RGS7: variants seen among roughly 807,000 people sequenced by gnomAD.
The protein encoded by RGS7 is regulator of G-protein signaling 7.
Under a neutral mutation model 81.1 loss-of-function variants are expected in RGS7, and 27 were observed. That is an observed-to-expected ratio of 0.33 (90% CI 0.25 to 0.46). RGS7 has a LOEUF of 0.46. Among genes scored for constraint, RGS7 ranks in the 20% least tolerant of loss-of-function variants. The pLI is 1.00. For missense variants in RGS7, 396 were observed against 607.4 expected, an observed-to-expected ratio of 0.65 and a Z score of 3.66; for synonymous variants, 208 against 207.7, an observed-to-expected ratio of 1.00 and a Z score of -0.01.
chr1:240,969,018 C>T (rs1682775409), intron 4 of RGS7, among the ~76,000 whole-genome samples: 2 of 152,176 alleles, frequency 1.3e-5, no homozygotes, highest in Non-Finnish European at 2.9e-5. Flanking sequence ...TCTTACACAA[C>T]TATCTATGGC....
intron 3 of RGS7, among the ~76,000 whole-genome samples, chr1:241,071,888 A>T (rs1413071813): frequency 6.7e-6 from 1 of 149,994 alleles, no homozygotes; most frequent in Non-Finnish European, 1.5e-5. Flanking sequence ...AAAAAAAAAA[A>T]AAAAAAACAA....
At chr1:241,227,790 G>T (rs562715809) in intron 2 of RGS7, among the ~76,000 whole-genome samples, 1 of 152,056 alleles carries the variant, frequency 6.6e-6, no homozygotes, top group East Asian at 1.9e-4. Flanking sequence ...CAGAAGTGAA[G>T]GTACCCTGAG....
At chr1:241,255,114 T>A (rs1227530998) in intron 2 of RGS7, among the ~76,000 whole-genome samples, 1 of 152,242 alleles carries the variant, frequency 6.6e-6, no homozygotes. Flanking sequence ...AACACCATTC[T>A]CTGATCCTGA....
chr1:240,849,757 T>C (rs1167957205), intron 9 of RGS7, among the ~76,000 whole-genome samples: 1 of 152,192 alleles, frequency 6.6e-6, no homozygotes, highest in African/African-American at 2.4e-5. Context: ...GTAAGCTACC[T>C]GAGGCCTCAC....
At chr1:240,930,322 C>T (rs1261630719) in intron 6 of RGS7, among the ~76,000 whole-genome samples, 3 of 147,696 alleles carry the variant, frequency 2.0e-5, no homozygotes, top group East Asian at 2.0e-4. Context: ...GTGAGAAAAG[C>T]GGACCCTTGG....
intron 2 of RGS7, among the ~76,000 whole-genome samples, chr1:241,344,123 G>A (rs2082738423): frequency 6.6e-6 from 1 of 152,198 alleles, no homozygotes; most frequent in African/African-American, 2.4e-5. Context: ...AGGAAGTGGG[G>A]AAGTAGAAAT....
Position 241,332,761 on chromosome 1 carries a change from C to T in RGS7, c.78+22938G>A, listed in dbSNP as rs1049801250. On this transcript the variant is annotated intron_variant, in intron 2 of 18. Transcript: ENST00000440928. The stretch of plus-strand genomic sequence containing the variant: ...TTACTGGCAGCTTCACCTTCTTTGG[C>T]GAGTTTAGTATTGTCAATACAGTAA... Among the ~76,000 whole-genome samples the T allele has an allele frequency of 3.9e-5, 6 of 152,104 alleles. No individual in the cohort carries two copies. In the South Asian group the frequency reaches 1.0e-3, roughly 26 times the overall value.
chr1:240,868,577 G>T lies in RGS7; in HGVS notation c.609+10C>A, dbSNP rs752801177. 6.2e-7 allele frequency: 1 copy of T among 1,613,368 alleles called. No individual in the cohort carries two copies. Among genetic ancestry groups the T allele is most frequent in the Admixed American group, 1.7e-5 (1 of 60,014 alleles). ...GATGGATTCAAGACGAGAGTGCGAC[G>T]CTTGCTTACCACGGGCCTGTGCACG... On this transcript the variant is annotated intron_variant, in intron 9 of 18. Transcript: ENST00000440928. This position sits in a 1 kb window ranked among gnomAD's most constrained non-coding sequence, Gnocchi z 5.1.
At chr1:240,791,540 A>G (rs1686008435) in intron 18 of RGS7, among the ~76,000 whole-genome samples, 1 of 152,246 alleles carries the variant, frequency 6.6e-6, no homozygotes, top group African/African-American at 2.4e-5. Flanking sequence ...TGGAAAAGAA[A>G]AAATTACAAC....
chr1:240,835,843 A>T (rs1694642521), intron 9 of RGS7, among the ~76,000 whole-genome samples: 1 of 152,230 alleles, frequency 6.6e-6, no homozygotes, highest in Non-Finnish European at 1.5e-5. Context: ...AAAAAGCCAC[A>T]GATTGTACGA....
At chr1:240,929,576 T>A (rs1047282033) in intron 6 of RGS7, among the ~76,000 whole-genome samples, 3 of 152,304 alleles carry the variant, frequency 2.0e-5, no homozygotes, top group Non-Finnish European at 4.4e-5. Context: ...ATGACACACA[T>A]GAGAGATAGC....
At chr1:241,181,352 C>T (rs1178584596) in intron 2 of RGS7, among the ~76,000 whole-genome samples, 5 of 152,130 alleles carry the variant, frequency 3.3e-5, no homozygotes, top group Admixed American at 6.5e-5. Flanking sequence ...TGAATTTTAT[C>T]GTGATCTTAA....
At position 241,040,167 on chromosome 1, in the gene RGS7, C is replaced by A. The variant is rs144987507; in HGVS notation, c.176-57038G>T. The stretch of plus-strand genomic sequence containing the variant: ...TGAGGTGGCCACATCTCCTTTAGAC[C>A]CCTCTCAGCCTTTCAGCGTTTTCTG... On this transcript the variant is annotated intron_variant, in intron 3 of 18. Coordinates refer to ENST00000440928, the MANE Select transcript of RGS7 (RefSeq NM_001364886.1). Among the ~76,000 whole-genome samples the A allele has an allele frequency of 2.2e-3, 332 of 152,276 alleles. 1 individual carries two copies. Among genetic ancestry groups the A allele is most frequent in the African/African-American group, 7.5e-3 (313 of 41,560 alleles).
At chr1:240,860,651 AG>A (rs1409714830) in intron 9 of RGS7, among the ~76,000 whole-genome samples, 2 of 152,164 alleles carry the variant, frequency 1.3e-5, no homozygotes, top group African/African-American at 4.8e-5. Context: ...ATAGATACGT[AG>A]GGACATTTAT....
chr1:240,870,460 C>T (rs959213104), intron 6 of RGS7, among the ~76,000 whole-genome samples: 24 of 152,068 alleles, frequency 1.6e-4, no homozygotes, highest in African/African-American at 5.8e-4. Flanking sequence ...TCGCCTCAGC[C>T]TCCCGAGTAG....
intron 9 of RGS7, among the ~76,000 whole-genome samples, chr1:240,858,112 C>T (rs1661492675): frequency 6.6e-6 from 1 of 152,098 alleles, no homozygotes; most frequent in African/African-American, 2.4e-5. Flanking sequence ...ACTAATACAC[C>T]TTCCATTGTA....
intron 6 of RGS7, chr1:240,919,729 G>A (rs1258285538): frequency 2.1e-5 from 13 of 625,962 alleles, no homozygotes; most frequent in Non-Finnish European, 2.9e-5. Flanking sequence ...TTGAAACAAG[G>A]TGAGAGCCTG....
chr1:241,276,089 C>A (rs1311877979), intron 2 of RGS7, among the ~76,000 whole-genome samples: 3 of 152,156 alleles, frequency 2.0e-5, no homozygotes, highest in Non-Finnish European at 4.4e-5. Context: ...TATCACCTGC[C>A]TCCTATTAAA....
intron 2 of RGS7, among the ~76,000 whole-genome samples, chr1:241,221,792 T>C (rs900327445): frequency 1.3e-5 from 2 of 152,224 alleles, no homozygotes; most frequent in Admixed American, 6.5e-5. Flanking sequence ...CATCTACTCT[T>C]CTCTGGGTTT....
Sources: gnomAD v4.1 joint callset for allele counts (sites outside exome capture counted in the v4.1 genomes callset) on GRCh38, gnomAD v4.1.1 for gene constraint, Gnocchi (gnomAD v3.1) non-coding constraint, MANE v1.5 for transcripts, NCBI Gene and HGNC (gene_info 2026-07-23, HGNC 2026-07-21) for gene names.